ZNF385D: variants seen among roughly 807,000 people sequenced by gnomAD.
The protein encoded by ZNF385D is zinc finger protein 385D, also known as zinc finger protein 659.
ZNF385D carries 15 observed loss-of-function variants against 35.8 expected under a neutral mutation model. That is an observed-to-expected ratio of 0.42 (90% CI 0.28 to 0.64). The LOEUF (loss-of-function observed/expected upper bound fraction) is 0.64. ZNF385D is among the 30% of genes least tolerant of loss of function. The pLI is 0.23. For synonymous variants in ZNF385D, 212 were observed against 186.8 expected (o/e 1.13, Z -1.10); for missense variants, 474 against 494.6 (o/e 0.96, Z 0.39).
At chr3:22,073,924 G>A (rs1700345466) in intron 3 of ZNF385D, among the ~76,000 whole-genome samples, 1 of 151,844 alleles carries the variant, frequency 6.6e-6, no homozygotes. Flanking sequence ...TAAAAGGGCA[G>A]TTTATCTTCA....
chr3:22,139,531 CT>C (rs1355119042), intron 3 of ZNF385D, among the ~76,000 whole-genome samples: 1 of 151,698 alleles, frequency 6.6e-6, no homozygotes, highest in African/African-American at 2.4e-5. Context: ...AACCAAACAC[CT>C]CATGTTCTCA....
intron 3 of ZNF385D, among the ~76,000 whole-genome samples, chr3:22,124,138 G>A (rs577840508): frequency 7.9e-5 from 12 of 151,542 alleles, no homozygotes; most frequent in African/African-American, 2.7e-4. Context: ...CTATCTCCCC[G>A]AGTTCAACTG....
chr3:22,094,159 T>G (rs1701476302), intron 3 of ZNF385D, among the ~76,000 whole-genome samples: 1 of 151,926 alleles, frequency 6.6e-6, no homozygotes, highest in African/African-American at 2.4e-5. Context: ...CATCAAATAT[T>G]CTAATTTTCC....
intron 2 of ZNF385D, among the ~76,000 whole-genome samples, chr3:21,657,590 C>A (rs2066111148): frequency 6.6e-6 from 1 of 151,946 alleles, no homozygotes; most frequent in South Asian, 2.1e-4. Flanking sequence ...TCTGCTACAT[C>A]TGTCTTCAAA....
chr3:21,706,113 T>C (rs1161720354), intron 1 of ZNF385D, among the ~76,000 whole-genome samples: 2 of 152,216 alleles, frequency 1.3e-5, no homozygotes, highest in East Asian at 1.9e-4. Context: ...TAGTTACTCA[T>C]TGGTTACAGG....
intron 2 of ZNF385D, among the ~76,000 whole-genome samples, chr3:22,216,145 CAG>C (rs1439501513): frequency 6.6e-6 from 1 of 151,998 alleles, no homozygotes; most frequent in East Asian, 1.9e-4. Context: ...TCCTCTGAAA[CAG>C]ATATTTCAGG....
At chr3:21,826,052 C>T (rs769617252) in intron 3 of ZNF385D, among the ~76,000 whole-genome samples, 3 of 152,168 alleles carry the variant, frequency 2.0e-5, no homozygotes, top group Admixed American at 1.3e-4. Flanking sequence ...CCCACCAGTC[C>T]GTGGGTAAAA....
intron 3 of ZNF385D, among the ~76,000 whole-genome samples, chr3:22,025,936 A>T (rs1484100816): frequency 6.6e-6 from 1 of 152,136 alleles, no homozygotes; most frequent in South Asian, 2.1e-4. Flanking sequence ...GAATAATTGG[A>T]TCTCAAGGTG....
chr3:22,273,626 T>C (rs1050819469), intron 2 of ZNF385D, among the ~76,000 whole-genome samples: 5 of 151,982 alleles, frequency 3.3e-5, no homozygotes, highest in Non-Finnish European at 4.4e-5. Flanking sequence ...AAGGGTAAAA[T>C]CATGATTCTC....
At chr3:21,634,284 AGAAAG>A (rs1452080565) in intron 2 of ZNF385D, among the ~76,000 whole-genome samples, 1 of 151,016 alleles carries the variant, frequency 6.6e-6, no homozygotes, top group African/African-American at 2.4e-5. Flanking sequence ...AAGGAAGAAA[AGAAAG>A]GAAGAAAGGA....
chr3:21,981,072 G>C lies in ZNF385D; in HGVS notation c.325+187745C>G, dbSNP rs370600797. Among the ~76,000 whole-genome samples, 58 of 152,098 alleles carry C rather than the reference G, an allele frequency of 3.8e-4. No homozygotes were observed. In the South Asian group the frequency reaches 0.012, roughly 30 times the overall value. On this transcript the variant is annotated intron_variant, in intron 3 of 5. Transcript: ENST00000494108. The stretch of plus-strand genomic sequence containing the variant: ...TGGTAGAATAATTTCTAGTCCTCTG[G>C]GTATATACATAATAATAGGACTGCT...
At chr3:22,063,412 C>A (rs544662798) in intron 3 of ZNF385D, among the ~76,000 whole-genome samples, 2 of 152,144 alleles carry the variant, frequency 1.3e-5, no homozygotes, top group East Asian at 3.9e-4. Context: ...AGCCTAGTTT[C>A]TAAAAGTATC....
chr3:21,820,376 T>A (rs2073349165), intron 3 of ZNF385D, among the ~76,000 whole-genome samples: 1 of 151,878 alleles, frequency 6.6e-6, no homozygotes, highest in Non-Finnish European at 1.5e-5. Context: ...TCATGAATTA[T>A]GAATAAATCA....
chr3:21,936,456 T>G (rs1372710546), intron 3 of ZNF385D, among the ~76,000 whole-genome samples: 2 of 152,104 alleles, frequency 1.3e-5, no homozygotes, highest in African/African-American at 4.8e-5. Context: ...AATACTATTT[T>G]CCCTTACTGT....
At chr3:22,049,346 G>T (rs183959463) in intron 3 of ZNF385D, among the ~76,000 whole-genome samples, 1 of 107,796 alleles carries the variant, frequency 9.3e-6, no homozygotes, top group Non-Finnish European at 2.2e-5. Flanking sequence ...TAAAAAATGC[G>T]GTTAATTTTT....
chr3:21,713,843 T>C (rs1370781362), intron 1 of ZNF385D, among the ~76,000 whole-genome samples: 1 of 152,196 alleles, frequency 6.6e-6, no homozygotes, highest in Non-Finnish European at 1.5e-5. Context: ...AACATCCTAT[T>C]CTTCAAACAC....
chr3:22,243,370 A>G (rs529023786), intron 2 of ZNF385D, among the ~76,000 whole-genome samples: 1 of 151,204 alleles, frequency 6.6e-6, no homozygotes, highest in East Asian at 2.0e-4. Flanking sequence ...AGAATTTTTG[A>G]AATAGTTAGA....
intron 3 of ZNF385D, among the ~76,000 whole-genome samples, chr3:21,760,528 C>T (rs1246344069): frequency 6.6e-6 from 1 of 152,180 alleles, no homozygotes; most frequent in East Asian, 1.9e-4. Context: ...CCTCACATTT[C>T]ATATTTAAAA....
intron 1 of ZNF385D, among the ~76,000 whole-genome samples, chr3:21,675,617 G>T (rs1456239627): frequency 6.6e-6 from 1 of 152,052 alleles, no homozygotes; most frequent in Non-Finnish European, 1.5e-5. Context: ...TAAACAAAAA[G>T]CTAGTTTCAA....
Sources: allele counts gnomAD v4.1 joint callset (sites outside exome capture counted in the v4.1 genomes callset), GRCh38; gene constraint gnomAD v4.1.1; transcripts MANE v1.5; gene names NCBI Gene and HGNC (gene_info 2026-07-23, HGNC 2026-07-21).